The following FRMPD4 variants were observed in gnomAD, a reference collection of about 807,000 sequenced individuals.
The protein encoded by FRMPD4 is FERM and PDZ domain containing 4.
FRMPD4 carries 22 observed loss-of-function variants against 94.1 expected under a neutral mutation model. The observed-to-expected ratio is 0.23, with a 90% CI of 0.17 to 0.33. FRMPD4 has a LOEUF of 0.33. FRMPD4 is among the 10% of genes least tolerant of loss of function. The pLI, the probability that FRMPD4 is intolerant of heterozygous loss-of-function variation, is 1.00. For synonymous variants in FRMPD4, 631 were observed against 548.6 expected (o/e 1.15, Z -2.10); for missense variants, 1,111 against 1,339.9 (o/e 0.83, Z 2.67).
chrX:12,581,893 C>A (rs1453930945), intron 2 of FRMPD4, among the ~76,000 whole-genome samples: 2 of 112,055 alleles, frequency 1.8e-5, no homozygotes, highest in Admixed American at 9.4e-5. Context: ...CTCCACCTCC[C>A]ACCCTGCCAT....
intron 3 of FRMPD4, among the ~76,000 whole-genome samples, chrX:11,921,857 G>T (rs781185097): frequency 4.5e-5 from 5 of 112,127 alleles, no homozygotes; most frequent in Admixed American, 9.5e-5. Context: ...ATAAAAATTT[G>T]TTTCTTGCTT....
chrX:11,978,951 C>G (rs2054382930), intron 3 of FRMPD4, among the ~76,000 whole-genome samples: 2 of 111,364 alleles, frequency 1.8e-5, no homozygotes, highest in Non-Finnish European at 3.8e-5. Flanking sequence ...GCACTAAGCA[C>G]TTTTGTAATT....
chrX:11,846,758 C>A (rs1303713417), intron 1 of FRMPD4, among the ~76,000 whole-genome samples: 2 of 109,327 alleles, frequency 1.8e-5, no homozygotes, highest in Non-Finnish European at 3.8e-5. Flanking sequence ...TTTGGCAAAC[C>A]TGAGAAAAAC....
chrX:12,325,045 T>C (rs1257867698), intron 1 of FRMPD4, among the ~76,000 whole-genome samples: 1 of 112,288 alleles, frequency 8.9e-6, no homozygotes, highest in Non-Finnish European at 1.9e-5. Flanking sequence ...AAAATACAAA[T>C]TAAAATGTGC....
chrX:12,170,209 C>G (rs2056197373), intron 1 of FRMPD4, among the ~76,000 whole-genome samples: 1 of 103,278 alleles, frequency 9.7e-6, no homozygotes, highest in Admixed American at 1.1e-4. Context: ...TCAGTGACAA[C>G]AAGGTCTCCT....
chrX:12,713,088 G>GA (rs775657133), intron 14 of FRMPD4, among the ~76,000 whole-genome samples: 39,858 of 97,442 alleles, frequency 0.41, 5,883 homozygotes, highest in East Asian at 0.82. Flanking sequence ...GTGTCTAAAA[G>GA]AAAAAAAAAA....
At chrX:12,163,728 C>T (rs1211755273) in intron 1 of FRMPD4, among the ~76,000 whole-genome samples, 1 of 112,425 alleles carries the variant, frequency 8.9e-6, no homozygotes, top group Non-Finnish European at 1.9e-5. Flanking sequence ...AATTATGCTA[C>T]TCTTTCCTAA....
At chrX:12,603,738 C>T (rs746800080) in intron 2 of FRMPD4, among the ~76,000 whole-genome samples, 4 of 109,810 alleles carry the variant, frequency 3.6e-5, no homozygotes, top group South Asian at 4.0e-4. Context: ...AATTCACTGA[C>T]GCACGTTCAG....
chrX:11,968,290 C>T (rs1217311318), intron 3 of FRMPD4, among the ~76,000 whole-genome samples: 1 of 111,465 alleles, frequency 9.0e-6, no homozygotes, highest in East Asian at 2.8e-4. Context: ...TTGAAAGATG[C>T]TAGTATTTTC....
chrX:12,312,283 C>T (rs1310765074), intron 1 of FRMPD4, among the ~76,000 whole-genome samples: 14 of 77,215 alleles, frequency 1.8e-4, no homozygotes, highest in East Asian at 4.1e-4. Context: ...GATGGAGTCT[C>T]GCTCTGTTGC....
chrX:12,139,553 G>A (rs5933960), intron 1 of FRMPD4, among the ~76,000 whole-genome samples: 1 of 89,798 alleles, frequency 1.1e-5, no homozygotes, highest in Non-Finnish European at 2.0e-5. Flanking sequence ...TTTTTTTTTG[G>A]GGGGGGGGTA....
chrX:11,839,508 T>C (rs907708919), intron 1 of FRMPD4, among the ~76,000 whole-genome samples: 1 of 111,860 alleles, frequency 8.9e-6, no homozygotes, highest in African/African-American at 3.2e-5. Context: ...CTTTATTAGA[T>C]ATATGATTTG....
chrX:12,440,028 C>T (rs984136876), intron 1 of FRMPD4, among the ~76,000 whole-genome samples: 2 of 111,658 alleles, frequency 1.8e-5, no homozygotes, highest in Non-Finnish European at 3.8e-5. Flanking sequence ...TAGATTTCTC[C>T]AAGCTTTAGT....
intron 1 of FRMPD4, among the ~76,000 whole-genome samples, chrX:12,265,622 CT>C (rs1330644252): frequency 3.6e-4 from 39 of 107,274 alleles, no homozygotes; most frequent in Admixed American, 8.0e-4. Context: ...CATTATTTTT[CT>C]TTTTTTTTTC....
chrX:12,426,538 GTTA>G lies in FRMPD4; in HGVS notation c.42-72139_42-72137del, dbSNP rs2056946667. Among the ~76,000 whole-genome samples the G allele has an allele frequency of 2.7e-5, 3 of 111,837 alleles. No individual in the cohort carries two copies. In the South Asian group the frequency reaches 1.1e-3, roughly 43 times the overall value. On this transcript the variant is annotated intron_variant, in intron 1 of 16. Transcript: ENST00000675598. ...ACAATCTTGTTTTGCATAAGGCCTT[GTTA>G]TTCTTTCTCATCAGGGCTGCTAACC...
intron 1 of FRMPD4, among the ~76,000 whole-genome samples, chrX:12,451,537 A>G (rs2057270629): frequency 8.9e-6 from 1 of 112,168 alleles, no homozygotes; most frequent in South Asian, 3.7e-4. Context: ...ATTTCTGTGT[A>G]TATAAAAATA....
chrX:12,120,169 A>C (rs1250791503), intron 3 of FRMPD4, among the ~76,000 whole-genome samples: 1 of 112,203 alleles, frequency 8.9e-6, no homozygotes, highest in Non-Finnish European at 1.9e-5. Context: ...CTGTATAAGA[A>C]AAGAGAACTA....
chrX:12,138,651 ACGGGGCGGGGCGCGAGACC>A lies in FRMPD4; in HGVS notation c.-316_-298del. 1 of 294,122 alleles carries A rather than the reference ACGGGGCGGGGCGCGAGACC, an allele frequency of 3.4e-6. No homozygotes were observed. Among genetic ancestry groups the A allele is most frequent in the East Asian group, 4.9e-5 (1 of 20,562 alleles). The allele number at this position is 294,122 out of a possible 1,213,427, so 24.2% of individuals were successfully genotyped here. ...CCGGCAGTCCCCGGGGCTAGAGCGCACGGGGCGGGGCGCGAGACCCGGGCCGCGCTCCCCGCCCCCGCCT... is the reference window on the plus strand; with the variant it reads ...CCGGCAGTCCCCGGGGCTAGAGCGCACGGGCCGCGCTCCCCGCCCCCGCCT... On this transcript the variant is annotated 5_prime_UTR_variant, in exon 1 of 17. Transcript: ENST00000675598.
chrX:12,711,260 G>A (rs2041981859), intron 14 of FRMPD4, among the ~76,000 whole-genome samples: 2 of 111,707 alleles, frequency 1.8e-5, no homozygotes, highest in South Asian at 7.7e-4. Flanking sequence ...GTGTCTGGGA[G>A]CCTCCTCCCT....
Sources: allele counts gnomAD v4.1 joint callset (sites outside exome capture counted in the v4.1 genomes callset), GRCh38; gene constraint gnomAD v4.1.1; transcripts MANE v1.5; gene names NCBI Gene and HGNC (gene_info 2026-07-23, HGNC 2026-07-21).